COL25A1: variants seen among roughly 807,000 people sequenced by gnomAD.
COL25A1 encodes the protein collagen alpha-1(XXV) chain.
In COL25A1, 103 loss-of-function variants were observed where a neutral mutation model predicts 128.4. That is an observed-to-expected ratio of 0.80 (90% CI 0.68 to 0.94). The LOEUF is 0.94. COL25A1 is among the 40% of genes least tolerant of loss of function. The pLI is 0.00. For missense variants in COL25A1, 745 were observed against 840.0 expected (o/e 0.89, Z 1.40); for synonymous variants, 279 against 277.2 (o/e 1.01, Z -0.06).
At chr4:108,994,624 C>T (rs187935380) in intron 6 of COL25A1, among the ~76,000 whole-genome samples, 82 of 152,300 alleles carry the variant, frequency 5.4e-4, no homozygotes, top group East Asian at 1.7e-3. Context: ...TCTCTCAGAA[C>T]GACGTTCAAG....
intron 3 of COL25A1, among the ~76,000 whole-genome samples, chr4:109,092,340 G>A (rs933293716): frequency 8.5e-5 from 13 of 152,112 alleles, no homozygotes; most frequent in African/African-American, 2.9e-4. Flanking sequence ...AATTAGCTGG[G>A]TGTGGTGGTG....
At chr4:108,840,204 T>C (rs1480689434) in intron 31 of COL25A1, among the ~76,000 whole-genome samples, 1 of 141,766 alleles carries the variant, frequency 7.1e-6, no homozygotes, top group Non-Finnish European at 1.5e-5. Flanking sequence ...ACTGCACCAT[T>C]GCACTCCAGC....
chr4:108,853,503 T>G (rs1240666367), intron 24 of COL25A1, among the ~76,000 whole-genome samples: 1 of 151,846 alleles, frequency 6.6e-6, no homozygotes, highest in African/African-American at 2.4e-5. Context: ...AACAAATGAG[T>G]TTTTAAAATT....
chr4:109,112,992 T>A (rs1767170305), intron 3 of COL25A1, among the ~76,000 whole-genome samples: 1 of 152,080 alleles, frequency 6.6e-6, no homozygotes, highest in African/African-American at 2.4e-5. Flanking sequence ...CTCTGATTGA[T>A]AAGGGGGAAA....
chr4:109,075,387 G>A (rs554652560), intron 3 of COL25A1, among the ~76,000 whole-genome samples: 1 of 151,942 alleles, frequency 6.6e-6, no homozygotes, highest in South Asian at 2.1e-4. Context: ...TACAAACAGA[G>A]AAGAAATTTT....
chr4:109,064,118 G>A (rs1489376536), intron 3 of COL25A1, among the ~76,000 whole-genome samples: 1 of 151,880 alleles, frequency 6.6e-6, no homozygotes, highest in Non-Finnish European at 1.5e-5. Flanking sequence ...GAGCCTTATA[G>A]AATAGAAAAT....
chr4:109,255,748 T>A (rs1239130164), intron 3 of COL25A1, among the ~76,000 whole-genome samples: 2 of 152,202 alleles, frequency 1.3e-5, no homozygotes, highest in African/African-American at 4.8e-5. Flanking sequence ...AAACGCTTAG[T>A]AATTTCATAA....
At chr4:109,293,702 T>C (rs1724690657) in intron 3 of COL25A1, among the ~76,000 whole-genome samples, 2 of 152,124 alleles carry the variant, frequency 1.3e-5, no homozygotes, top group African/African-American at 4.8e-5. Flanking sequence ...CTACTAAATA[T>C]GACTTTATAG....
At chr4:109,270,512 A>C (rs776366065) in intron 3 of COL25A1, among the ~76,000 whole-genome samples, 2 of 152,182 alleles carry the variant, frequency 1.3e-5, no homozygotes, top group Non-Finnish European at 2.9e-5. Flanking sequence ...CCAACTTACA[A>C]GGGATGTGAA....
chr4:109,037,235 C>A (rs1195102099), intron 5 of COL25A1, among the ~76,000 whole-genome samples: 3 of 152,144 alleles, frequency 2.0e-5, no homozygotes, highest in African/African-American at 7.2e-5. Flanking sequence ...AAATACTCTC[C>A]TTCTTTCTCA....
chr4:108,891,687 C>T (rs1425756347), intron 16 of COL25A1, among the ~76,000 whole-genome samples: 1 of 151,208 alleles, frequency 6.6e-6, no homozygotes, highest in African/African-American at 2.4e-5. Context: ...TTGGGGCTTC[C>T]TAAATTCTAC....
chr4:108,961,612 T>C (rs529330077), intron 8 of COL25A1, among the ~76,000 whole-genome samples: 2 of 152,078 alleles, frequency 1.3e-5, no homozygotes, highest in African/African-American at 4.8e-5. Flanking sequence ...TTCTGTTCTG[T>C]TCTGTTCTGT....
intron 3 of COL25A1, among the ~76,000 whole-genome samples, chr4:109,079,683 G>C (rs1213532076): frequency 1.3e-5 from 2 of 150,908 alleles, no homozygotes; most frequent in Non-Finnish European, 3.0e-5. Flanking sequence ...CAAAACTTAA[G>C]AAAAAAAAAT....
intron 36 of COL25A1, among the ~76,000 whole-genome samples, chr4:108,818,230 GCAAA>G (rs901514528): frequency 6.6e-6 from 1 of 151,998 alleles, no homozygotes; most frequent in African/African-American, 2.4e-5. Context: ...TCAATACCAA[GCAAA>G]CAAAGAACTG....
intron 3 of COL25A1, among the ~76,000 whole-genome samples, chr4:109,091,695 T>C (rs1183316753): frequency 1.3e-5 from 2 of 149,762 alleles, no homozygotes; most frequent in East Asian, 3.9e-4. Context: ...ACTAGTAAAA[T>C]AGTGGCTCAG....
chr4:109,299,114 C>A (rs1037955259), intron 3 of COL25A1, among the ~76,000 whole-genome samples: 2 of 152,060 alleles, frequency 1.3e-5, no homozygotes, highest in African/African-American at 4.8e-5. Flanking sequence ...ATTAAGAATT[C>A]TATTAATTAA....
intron 3 of COL25A1, among the ~76,000 whole-genome samples, chr4:109,285,631 G>A (rs1723805974): frequency 6.6e-6 from 1 of 152,224 alleles, no homozygotes; most frequent in Admixed American, 6.5e-5. Context: ...CGAGAGAGCT[G>A]ATGGTTCAGC....
chr4:108,987,728 G>C (rs529501371), intron 6 of COL25A1, among the ~76,000 whole-genome samples: 8 of 152,038 alleles, frequency 5.3e-5, no homozygotes, highest in South Asian at 4.1e-4. Flanking sequence ...AAGCTACTTG[G>C]AAAAACAAAA....
chr4:109,289,430 T>C (rs1448114906), intron 3 of COL25A1, among the ~76,000 whole-genome samples: 2 of 152,154 alleles, frequency 1.3e-5, no homozygotes, highest in Non-Finnish European at 2.9e-5. Flanking sequence ...ATAATTTTCT[T>C]TTTTGAAATT....
Sources: gnomAD v4.1 joint callset for allele counts (sites outside exome capture counted in the v4.1 genomes callset) on GRCh38, gnomAD v4.1.1 for gene constraint, MANE v1.5 for transcripts, NCBI Gene and HGNC (gene_info 2026-07-23, HGNC 2026-07-21) for gene names.